The following CSTPP1 variants were observed in gnomAD, a reference collection of about 807,000 sequenced individuals.
CSTPP1 encodes centriolar satellite-associated tubulin polyglutamylase complex regulator 1.
At chr11:46,973,775 G>GGTGT in the CSTPP1 span, among the ~76,000 whole-genome samples, 1 of 57,640 alleles carries the variant, frequency 1.7e-5, no homozygotes, top group Non-Finnish European at 3.5e-5. Flanking sequence ...TATACTGGAG[G>GGTGT]GTGTATGTGT....
the CSTPP1 span, among the ~76,000 whole-genome samples, chr11:47,031,507 C>T: frequency 6.6e-6 from 1 of 152,020 alleles, no homozygotes; most frequent in Non-Finnish European, 1.5e-5. Flanking sequence ...GCCTGGGCAA[C>T]ATAACGAGAC....
At chr11:47,131,132 T>C in the CSTPP1 span, among the ~76,000 whole-genome samples, 1 of 152,186 alleles carries the variant, frequency 6.6e-6, no homozygotes, top group Non-Finnish European at 1.5e-5. Flanking sequence ...CTAAAAGTCT[T>C]TGACTTCAGG....
At chr11:46,959,298 C>G in the CSTPP1 span, among the ~76,000 whole-genome samples, 1 of 149,614 alleles carries the variant, frequency 6.7e-6, no homozygotes, top group Non-Finnish European at 1.5e-5. Context: ...ACAGACTTTT[C>G]TCAAGTTTTT....
chr11:47,060,757 C>A, the CSTPP1 span, among the ~76,000 whole-genome samples: 1 of 152,122 alleles, frequency 6.6e-6, no homozygotes, highest in African/African-American at 2.4e-5. Flanking sequence ...AGAACCTACT[C>A]ATGTAAACCA....
the CSTPP1 span, among the ~76,000 whole-genome samples, chr11:47,036,248 A>AATATATATAATATATTATAT: frequency 1.6e-4 from 8 of 49,110 alleles, no homozygotes; most frequent in African/African-American, 5.3e-4. Flanking sequence ...ATATTTATAT[A>AATATATATAATATATTATAT]TTATATATTA....
chr11:47,099,922 A>C, the CSTPP1 span, among the ~76,000 whole-genome samples: 1 of 152,232 alleles, frequency 6.6e-6, no homozygotes, highest in Non-Finnish European at 1.5e-5. Flanking sequence ...CGCAAGCAGT[A>C]TGAATGGGTT....
the CSTPP1 span, among the ~76,000 whole-genome samples, chr11:46,947,244 T>C: frequency 1.3e-5 from 2 of 152,250 alleles, no homozygotes; most frequent in African/African-American, 4.8e-5. Flanking sequence ...TGATATGCTT[T>C]GATTAAGACT....
chr11:46,962,296 T>C, the CSTPP1 span, among the ~76,000 whole-genome samples: 2 of 152,180 alleles, frequency 1.3e-5, no homozygotes, highest in Non-Finnish European at 2.9e-5. Flanking sequence ...TTGGTTTCTA[T>C]GTCTGCCTTA....
the CSTPP1 span, among the ~76,000 whole-genome samples, chr11:47,134,869 G>A: frequency 6.6e-6 from 1 of 152,186 alleles, no homozygotes; most frequent in African/African-American, 2.4e-5. Flanking sequence ...GCTCATGCCT[G>A]TAATCCCAAC....
chr11:47,064,142 C>T, the CSTPP1 span, among the ~76,000 whole-genome samples: 1 of 152,148 alleles, frequency 6.6e-6, no homozygotes, highest in Non-Finnish European at 1.5e-5. Flanking sequence ...AGTATCTATT[C>T]AAGCCCTTTG....
chr11:46,971,555 C>T, the CSTPP1 span, among the ~76,000 whole-genome samples: 1 of 151,992 alleles, frequency 6.6e-6, no homozygotes, highest in Non-Finnish European at 1.5e-5. Context: ...TTTATAGCCA[C>T]ATTATTTTAA....
chr11:47,036,822 C>T, the CSTPP1 span, among the ~76,000 whole-genome samples: 3 of 127,070 alleles, frequency 2.4e-5, 1 homozygote, highest in Admixed American at 2.5e-4. Flanking sequence ...GGATTACAGG[C>T]GAGTGCCACC....
At chr11:47,157,170 C>CG in the CSTPP1 span, 1 of 1,610,242 alleles carries the variant, frequency 6.2e-7, no homozygotes, top group Non-Finnish European at 8.5e-7. Flanking sequence ...GTGGAGGCGT[C>CG]GCTGTTCTAC....
At chr11:46,949,187 C>G in the CSTPP1 span, among the ~76,000 whole-genome samples, 1 of 152,304 alleles carries the variant, frequency 6.6e-6, no homozygotes, top group South Asian at 2.1e-4. Flanking sequence ...TTGATAAAAG[C>G]TACCTCACAG....
At chr11:46,973,780 A>T in the CSTPP1 span, among the ~76,000 whole-genome samples, 1 of 150,588 alleles carries the variant, frequency 6.6e-6, no homozygotes, top group South Asian at 2.1e-4. Context: ...TGGAGGGTGT[A>T]TGTGTGTGTG....
the CSTPP1 span, chr11:47,160,787 C>G: frequency 3.2e-6 from 1 of 315,062 alleles, no homozygotes. Context: ...TGGACCATAT[C>G]CTTTTCAGCC....
At chr11:47,152,641 T>C in the CSTPP1 span, among the ~76,000 whole-genome samples, 1 of 152,174 alleles carries the variant, frequency 6.6e-6, no homozygotes, top group African/African-American at 2.4e-5. Context: ...AATTAGACAG[T>C]GGTGATGGTG....
At chr11:47,150,345 G>A in the CSTPP1 span, among the ~76,000 whole-genome samples, 2 of 152,282 alleles carry the variant, frequency 1.3e-5, no homozygotes, top group Admixed American at 6.5e-5. Context: ...AAAGGGGACC[G>A]TGGCTTCTCT....
chr11:47,136,693 C>T, the CSTPP1 span, among the ~76,000 whole-genome samples: 1 of 152,132 alleles, frequency 6.6e-6, no homozygotes, highest in Non-Finnish European at 1.5e-5. Context: ...TAGCCATGCC[C>T]TCTGGATTCC....
Sources: gnomAD v4.1 joint callset for allele counts (sites outside exome capture counted in the v4.1 genomes callset) on GRCh38, gnomAD v4.1.1 for gene constraint, MANE v1.5 for transcripts, NCBI Gene and HGNC (gene_info 2026-07-23, HGNC 2026-07-21) for gene names.